Variants in COG4 observed in about 807,000 individuals in gnomAD.
COG4 encodes component of oligomeric golgi complex 4, also known as conserved oligomeric Golgi complex subunit 4.
Under a neutral mutation model 95.1 loss-of-function variants are expected in COG4, and 65 were observed. The ratio of observed to expected loss-of-function variants is 0.68; its 90% CI spans 0.56 to 0.84. The LOEUF is 0.84. Ranked by LOEUF, COG4 falls within the 40% of genes least tolerant of loss-of-function variation. The pLI, the probability that COG4 is intolerant of heterozygous loss-of-function variation, is 0.00. For synonymous variants in COG4, 421 were observed against 374.8 expected, an observed-to-expected ratio of 1.12 and a Z score of -1.42; for missense variants, 1,045 against 989.1, an observed-to-expected ratio of 1.06 and a Z score of -0.76.
At chr16:70,510,148 C>G (rs2049669800) in intron 5 of COG4, 127 bp from the exon 6 acceptor site, 1 of 764,126 alleles carries the variant, frequency 1.3e-6, no homozygotes, top group Non-Finnish European at 2.3e-6. Context: ...GTCTGGAAGC[C>G]CAGGCAGCAC....
Position 70,517,737 on chromosome 16 carries a change from A to G in COG4, c.258T>C (p.Pro86=). The part of the protein sequence containing the change: ...SKMVTLHRMG[P]NLQLIEGDAK... Reference sequence around the variant, plus strand: ...CATCTCCCTCAATCAGCTGCAGATTAGGACTGGAGAAATACATTGTTAGCA... The same window carrying G: ...CATCTCCCTCAATCAGCTGCAGATTGGGACTGGAGAAATACATTGTTAGCA... Residue 86 remains proline, a synonymous_variant, in exon 3 of 19, where the codon CCT becomes CCC. Transcript: ENST00000323786. 1 of 1,605,252 alleles carries G rather than the reference A, an allele frequency of 6.2e-7. No individual in the cohort carries two copies.
intron 13 of COG4, among the ~76,000 whole-genome samples, chr16:70,488,943 A>G (rs906233856): frequency 6.6e-6 from 1 of 152,202 alleles, no homozygotes; most frequent in African/African-American, 2.4e-5. Context: ...CATTCCTCTC[A>G]TAACAGTCAT....
Position 70,523,394 on chromosome 16 carries a change from G to T in COG4, c.150C>A (p.Tyr50Ter). Reference protein sequence around the residue: ...LTELQELEAVYERLCGEEKVV... With the variant: ...LTELQELEAV Reference sequence around the variant, plus strand: ...GCACCTCCTCGCCGCAGAGCCGTTCGTATACAGCCTCCAGCTCCTGCAGCT... The same window carrying T: ...GCACCTCCTCGCCGCAGAGCCGTTCTTATACAGCCTCCAGCTCCTGCAGCT... The change falls in exon 1 of 19, where the codon TAC becomes TAA. Residue 50 changes from tyrosine to a stop codon, truncating the protein, a stop_gained. Coordinates refer to ENST00000323786, the MANE Select transcript of COG4 (RefSeq NM_015386.3). LOFTEE classifies it high-confidence loss of function. The T allele has an allele frequency of 6.2e-7, 1 of 1,614,134 alleles. No individual in the cohort carries two copies. Among genetic ancestry groups the T allele is most frequent in the Non-Finnish European group, 8.5e-7 (1 of 1,180,026 alleles).
intron 12 of COG4, among the ~76,000 whole-genome samples, chr16:70,490,812 A>G (rs2049228510): frequency 6.6e-6 from 1 of 152,042 alleles, no homozygotes; most frequent in African/African-American, 2.4e-5. Context: ...GGCGCCCGCC[A>G]CTACGCCAGG....
rs1439441034 is a variant in COG4 at position 70,482,137 on chromosome 16, T to C, written c.1959A>G (p.Val653=). Residue 653 remains valine (V), a synonymous_variant, in exon 16 of 19, where the codon GTA becomes GTG. Coordinates refer to ENST00000323786, the MANE Select transcript of COG4 (RefSeq NM_015386.3). ...GCTCCAGGTTAAGGATGAACTGTTG[T>C]ACCCAAGGGTCGTTGGCCTCATAGT... ...FNDYEANDPW[V]QQFILNLEQQ... 3 of 1,613,916 alleles carry C rather than the reference T, an allele frequency of 1.9e-6. No individual in the cohort carries two copies. The highest frequency in any genetic ancestry group is 3.3e-5 in the Admixed American group (2 of 60,002).
Position 70,506,614 on chromosome 16 carries a change from AAAAC to A in COG4, c.1061+1788_1061+1791del, listed in dbSNP as rs1205800460. 1.6e-3 allele frequency among the ~76,000 whole-genome samples: 96 copies of A among 60,696 alleles called. 21 individuals carry two copies. The highest frequency in any genetic ancestry group is 5.2e-3 in the African/African-American group (92 of 17,614). The allele number at this position is 60,696 out of a possible 152,430, so 39.8% of individuals were successfully genotyped here. ...GCCTCAAAAAAAAAAAAAAAAAAAA[AAAAC>A]AAAAAAAAAAACATTTAGCTGGGAG... is the stretch of plus-strand genomic sequence containing the variant. On this transcript the variant is annotated intron_variant, in intron 8 of 18. Transcript: ENST00000323786.
Position 70,498,007 on chromosome 16 carries a change from C to G in COG4, c.1244G>C (p.Cys415Ser). The G allele has an allele frequency of 6.2e-7, 1 of 1,613,838 alleles. No individual in the cohort carries two copies. Among genetic ancestry groups the G allele is most frequent in the East Asian group, 2.2e-5 (1 of 44,876 alleles). The change falls in exon 10 of 19, where the codon TGT becomes TCT. Residue 415 changes from cysteine (C) to serine (S), a missense_variant. Cys to Ser is a moderately radical substitution (Grantham distance 112). Transcript: ENST00000323786. Reference sequence around the variant, plus strand: ...TAAGCCAATTAGCTCCTGCATGGTACAGCTCAAAAGGCAGTTATTGAGGAG... The same window carrying G: ...TAAGCCAATTAGCTCCTGCATGGTAGAGCTCAAAAGGCAGTTATTGAGGAG... Reference protein sequence around the residue: ...DKLLNNCLLSCTMQELIGLYV... With the variant: ...DKLLNNCLLSSTMQELIGLYV...
At chr16:70,504,283 T>C (rs1406730812) in intron 8 of COG4, among the ~76,000 whole-genome samples, 3 of 152,008 alleles carry the variant, frequency 2.0e-5, no homozygotes, top group Non-Finnish European at 4.4e-5. Flanking sequence ...CATCTTACAA[T>C]GCGTAGAACA....
chr16:70,482,505 A>G (rs2049019469), intron 15 of COG4: 3 of 619,086 alleles, frequency 4.8e-6, no homozygotes, highest in African/African-American at 1.8e-5. Context: ...AAGAGCTCCA[A>G]TAAGGGAATA....
chr16:70,487,300 A>T (rs912250699), intron 13 of COG4, among the ~76,000 whole-genome samples: 10 of 151,558 alleles, frequency 6.6e-5, no homozygotes, highest in South Asian at 2.1e-4. Context: ...TAAAAATAAA[A>T]AAAAAAAAAG....
chr16:70,507,422 T>A (rs746644874), intron 8 of COG4, among the ~76,000 whole-genome samples: 1 of 152,182 alleles, frequency 6.6e-6, no homozygotes, highest in Non-Finnish European at 1.5e-5. Context: ...TAATTGTCTA[T>A]GGTATTCAGT....
chr16:70,483,755 GTCC>G, intron 14 of COG4, 95 bp downstream of exon 14: 1 of 950,150 alleles, frequency 1.1e-6, no homozygotes, highest in South Asian at 1.3e-5. Context: ...TCCCTCACCC[GTCC>G]TCCTGGCTTC....
chr16:70,487,070 C>G (rs186877675), intron 13 of COG4, among the ~76,000 whole-genome samples: 1 of 151,324 alleles, frequency 6.6e-6, no homozygotes, highest in Non-Finnish European at 1.5e-5. Flanking sequence ...GTGGGCGGAT[C>G]GCCTGAGGTC....
intron 8 of COG4, among the ~76,000 whole-genome samples, chr16:70,505,521 CATGTTATTTT>C (rs2049545917): frequency 6.7e-6 from 1 of 150,058 alleles, no homozygotes; most frequent in African/African-American, 2.4e-5. Context: ...CTAAGAAGCA[CATGTTATTTT>C]TATTGTAAAA....
chr16:70,482,962 A>G, intron 14 of COG4, 141 bp from the exon 15 acceptor site: 1 of 489,748 alleles, frequency 2.0e-6, no homozygotes, highest in East Asian at 4.2e-5. Context: ...TCCTCTCCCC[A>G]TTTCTTCCTT....
chr16:70,491,453 A>C (rs2049241252), intron 12 of COG4, among the ~76,000 whole-genome samples: 1 of 131,844 alleles, frequency 7.6e-6, no homozygotes. Context: ...CTGGGAGATG[A>C]GAGGTTGCAG....
In COG4 at chr16:70,489,529, T is replaced by TA. The variant is rs58900941; in HGVS notation, c.1710+800dup. ...ACCTCACCTGGCCTTGATCCTGATT[T>TA]AAAAAAAAAAAAAGTTTTTTTTTTT... On this transcript the variant is annotated intron_variant, in intron 13 of 18. Coordinates refer to ENST00000323786, the MANE Select transcript of COG4 (RefSeq NM_015386.3). Among the ~76,000 whole-genome samples, 345 of 142,422 alleles carry TA rather than the reference T, an allele frequency of 2.4e-3. 1 individual carries two copies. The highest frequency in any genetic ancestry group is 7.9e-3 in the South Asian group (35 of 4,452). The allele number at this position is 142,422 out of a possible 152,430, so 93.4% of individuals were successfully genotyped here.
At chr16:70,494,113 A>G (rs2049295771) in intron 12 of COG4, among the ~76,000 whole-genome samples, 1 of 152,184 alleles carries the variant, frequency 6.6e-6, no homozygotes, top group Non-Finnish European at 1.5e-5. Context: ...AGATAAGCCT[A>G]AAGGTCTTTC....
rs2049336661 is a variant in COG4 at position 70,496,248 on chromosome 16, G to A, written c.1647+18C>T. ...CTCGAGATAAACCAACCCAGCTCGT[G>A]AGCTGTGGGGTACCTACCAGGAAGG... On this transcript the variant is annotated intron_variant, in intron 12 of 18. Coordinates refer to ENST00000323786, the MANE Select transcript of COG4 (RefSeq NM_015386.3). 1.9e-6 allele frequency: 3 copies of A among 1,613,962 alleles called. No individual in the cohort carries two copies. Among genetic ancestry groups the A allele is most frequent in the Non-Finnish European group, 2.5e-6 (3 of 1,179,964 alleles).
Sources: allele counts gnomAD v4.1 joint callset (sites outside exome capture counted in the v4.1 genomes callset), GRCh38; gene constraint gnomAD v4.1.1; transcripts MANE v1.5; gene names NCBI Gene and HGNC (gene_info 2026-07-23, HGNC 2026-07-21).